The following TRIM5 variants were observed in gnomAD, a reference collection of about 807,000 sequenced individuals.
The protein encoded by TRIM5 is tripartite motif-containing protein 5.
A neutral mutation model predicts 35.6 loss-of-function variants in TRIM5; 31 were observed. That is an observed-to-expected ratio of 0.87 (90% CI 0.65 to 1.18). The LOEUF (loss-of-function observed/expected upper bound fraction) is 1.18, where lower values mean the gene tolerates loss of function less well. Ranked by LOEUF, TRIM5 falls within the 50% of genes most tolerant of loss-of-function variation. The probability of loss-of-function intolerance (pLI) is 0.00; values close to 1 mark genes in which losing one functional copy is unlikely to be tolerated. For synonymous variants in TRIM5, 243 were observed against 215.6 expected (o/e 1.13, Z -1.11); for missense variants, 609 against 591.6 (o/e 1.03, Z -0.31).
At chr11:5,669,498 T>G (rs992850156) in intron 4 of TRIM5, among the ~76,000 whole-genome samples, 1 of 152,216 alleles carries the variant, frequency 6.6e-6, no homozygotes, top group Non-Finnish European at 1.5e-5. Flanking sequence ...CAGACACAAT[T>G]TTTCCACATA....
chr11:5,642,285 C>T, the TRIM5 span: 3 of 821,728 alleles, frequency 3.7e-6, no homozygotes, highest in East Asian at 2.6e-5. Context: ...TCTCCCCCTC[C>T]TCAGGCTCAG....
At chr11:5,611,150 CA>C in the TRIM5 span, 2 of 1,614,196 alleles carry the variant, frequency 1.2e-6, no homozygotes, top group Non-Finnish European at 1.7e-6. Context: ...TGCTTCTCTC[CA>C]TGACAGTGCC....
chr11:5,627,981 C>A, the TRIM5 span, among the ~76,000 whole-genome samples: 1 of 152,208 alleles, frequency 6.6e-6, no homozygotes, highest in East Asian at 1.9e-4. Context: ...GGTATAATCA[C>A]CTGGCAGCTA....
the TRIM5 span, among the ~76,000 whole-genome samples, chr11:5,650,466 C>T: frequency 5.3e-5 from 8 of 152,178 alleles, no homozygotes; most frequent in South Asian, 2.1e-4. Flanking sequence ...ACCTTCATAT[C>T]GTACAGAACC....
At chr11:5,679,036 A>G (rs751115421) in intron 3 of TRIM5, 38 bp downstream of exon 3, 23 of 1,574,866 alleles carry the variant, frequency 1.5e-5, no homozygotes, top group Non-Finnish European at 2.0e-5. Context: ...TCCTGCCCAG[A>G]TTTCTAGCTA....
chr11:5,682,618 T>G (rs1474985318), intron 1 of TRIM5, among the ~76,000 whole-genome samples: 2 of 152,192 alleles, frequency 1.3e-5, no homozygotes, highest in Non-Finnish European at 2.9e-5. Flanking sequence ...AGGGGGAAAT[T>G]AGACCCCCGA....
chr11:5,644,259 C>A, the TRIM5 span: 1 of 398,790 alleles, frequency 2.5e-6, no homozygotes, highest in Non-Finnish European at 4.4e-6. Context: ...TTCTCAGTTT[C>A]TTTTTCCTGA....
the TRIM5 span, among the ~76,000 whole-genome samples, chr11:5,649,096 ACT>A: frequency 4.6e-5 from 7 of 152,044 alleles, no homozygotes; most frequent in Admixed American, 1.3e-4. Context: ...TTGATTTCCA[ACT>A]CTCTATTTTT....
At chr11:5,605,703 C>A in the TRIM5 span, 1 of 1,075,738 alleles carries the variant, frequency 9.3e-7, no homozygotes, top group Non-Finnish European at 1.3e-6. Flanking sequence ...TGCCTATCCC[C>A]TATTAAACTG....
the TRIM5 span, among the ~76,000 whole-genome samples, chr11:5,595,023 G>C: frequency 0.18 from 26,802 of 152,142 alleles, 2,763 homozygotes; most frequent in Middle Eastern, 0.32. Context: ...ACATGAGGTA[G>C]TCACTGAAAT....
At chr11:5,657,376 G>A in the TRIM5 span, among the ~76,000 whole-genome samples, 1 of 150,424 alleles carries the variant, frequency 6.6e-6, no homozygotes, top group Non-Finnish European at 1.5e-5. Flanking sequence ...AGGTTAATGG[G>A]TGCAGCAAAC....
chr11:5,672,900 A>C (rs1851680486), intron 4 of TRIM5, among the ~76,000 whole-genome samples: 1 of 149,554 alleles, frequency 6.7e-6, no homozygotes, highest in Admixed American at 6.6e-5. Context: ...CATTAGAGCA[A>C]GCACTAGGAA....
the TRIM5 span, chr11:5,610,794 C>T: frequency 6.2e-7 from 1 of 1,614,114 alleles, no homozygotes; most frequent in South Asian, 1.1e-5. Context: ...GACCCTGAAT[C>T]CACACACAGC....
At chr11:5,602,891 T>G in the TRIM5 span, among the ~76,000 whole-genome samples, 2 of 152,120 alleles carry the variant, frequency 1.3e-5, no homozygotes, top group Admixed American at 1.3e-4. Flanking sequence ...GAGGCGGAGA[T>G]TGCAGTGAGC....
chr11:5,653,390 A>G, the TRIM5 span, among the ~76,000 whole-genome samples: 2 of 152,030 alleles, frequency 1.3e-5, no homozygotes, highest in Non-Finnish European at 2.9e-5. Context: ...GGAATTTTTC[A>G]TCAATTATTT....
chr11:5,612,816 G>A, the TRIM5 span: 1 of 152,148 alleles, frequency 6.6e-6, no homozygotes, highest in South Asian at 2.1e-4. Context: ...TGTGCTCAAT[G>A]TATAAAATAT....
chr11:5,679,021 C>T (rs1852211309), intron 3 of TRIM5, 53 bp downstream of exon 3: 1 of 1,471,478 alleles, frequency 6.8e-7, no homozygotes, highest in Non-Finnish European at 9.5e-7. Flanking sequence ...AGCTCCTTCC[C>T]CTGGTCCTGC....
chr11:5,630,786 A>G, the TRIM5 span, among the ~76,000 whole-genome samples: 3 of 152,188 alleles, frequency 2.0e-5, no homozygotes, highest in Non-Finnish European at 4.4e-5. Flanking sequence ...CATTTTATGA[A>G]TGATTATATA....
the TRIM5 span, among the ~76,000 whole-genome samples, chr11:5,629,669 A>G: frequency 6.6e-6 from 1 of 152,218 alleles, no homozygotes; most frequent in Non-Finnish European, 1.5e-5. Flanking sequence ...TAGCATGCAG[A>G]CAGGGCCGCT....
Sources: allele counts gnomAD v4.1 joint callset (sites outside exome capture counted in the v4.1 genomes callset), GRCh38; gene constraint gnomAD v4.1.1; transcripts MANE v1.5; gene names NCBI Gene and HGNC (gene_info 2026-07-23, HGNC 2026-07-21).